The following SEC24D variants were observed in gnomAD, a reference collection of about 807,000 sequenced individuals.
SEC24D encodes the protein SEC24 homolog D, COPII component.
In SEC24D, 69 loss-of-function variants were observed where a neutral mutation model predicts 116.9. The observed-to-expected ratio is 0.59, with a 90% CI of 0.49 to 0.72. SEC24D has a LOEUF of 0.72. Ranked by LOEUF, SEC24D falls within the 30% of genes least tolerant of loss-of-function variation. The probability of loss-of-function intolerance (pLI) is 0.00; values close to 1 mark genes in which losing one functional copy is unlikely to be tolerated. For synonymous variants in SEC24D, 405 were observed against 442.8 expected (o/e 0.91, Z 1.07); for missense variants, 1,131 against 1,264.1 (o/e 0.89, Z 1.60).
chr4:118,807,558 G>T (rs1475210396), intron 6 of SEC24D, among the ~76,000 whole-genome samples: 1 of 150,616 alleles, frequency 6.6e-6, no homozygotes, highest in Non-Finnish European at 1.5e-5. Context: ...AGTGTGTCCA[G>T]ACTGGAATAG....
At chr4:118,752,945 T>C in intron 11 of SEC24D, 57 bp from the exon 12 acceptor site, 3 of 1,271,800 alleles carry the variant, frequency 2.4e-6, no homozygotes, top group Non-Finnish European at 3.3e-6. Flanking sequence ...GAAAAGGAGG[T>C]TTCTATCTGA....
intron 15 of SEC24D, among the ~76,000 whole-genome samples, chr4:118,741,842 C>G (rs545284992): frequency 1.6e-4 from 24 of 152,132 alleles, no homozygotes; most frequent in Non-Finnish European, 1.9e-4. Flanking sequence ...TCTTGACCAT[C>G]ATTTTTATCT....
intron 13 of SEC24D, among the ~76,000 whole-genome samples, chr4:118,750,911 A>G (rs1443164665): frequency 3.3e-5 from 5 of 152,042 alleles, no homozygotes; most frequent in Admixed American, 2.0e-4. Context: ...ATACTCTTGC[A>G]GATTAAAAAA....
At position 118,745,074 on chromosome 4, in the gene SEC24D, A is replaced by C. The variant is rs752917529; in HGVS notation, c.1708-14T>G. 3 of 1,426,200 alleles carry C rather than the reference A, an allele frequency of 2.1e-6. No homozygotes were observed. The highest frequency in any genetic ancestry group is 2.3e-5 in the East Asian group (1 of 44,056). 88.3% of individuals were successfully genotyped at this position (1,426,200 alleles called of 1,614,324 possible). A position where few individuals can be genotyped will look rare whatever the true frequency, so the allele number is the denominator to read the frequency against. Reference sequence around the variant, plus strand: ...ACAGTCTGCTGCCTAAAAAAAAAAAAAAACCCAAAAACCCACAGAAAATGC... The same window carrying C: ...ACAGTCTGCTGCCTAAAAAAAAAAACAAACCCAAAAACCCACAGAAAATGC... On this transcript the variant is annotated splice_polypyrimidine_tract_variant and intron_variant, in intron 13 of 22. Transcript: ENST00000280551.
intron 2 of SEC24D, 91 bp downstream of exon 2, chr4:118,833,488 C>T: frequency 5.9e-6 from 5 of 848,220 alleles, no homozygotes; most frequent in Non-Finnish European, 9.5e-6. Context: ...AATGATCATT[C>T]AATGCTTTCA....
intron 10 of SEC24D, 142 bp downstream of exon 10, chr4:118,764,660 C>T: frequency 1.9e-6 from 1 of 527,014 alleles, no homozygotes. Context: ...GAGATGGGAT[C>T]TGTGTCTTAG....
intron 3 of SEC24D, among the ~76,000 whole-genome samples, chr4:118,818,820 T>C (rs1291700029): frequency 6.6e-6 from 1 of 151,568 alleles, no homozygotes; most frequent in Admixed American, 6.6e-5. Flanking sequence ...AAGTACAAGC[T>C]ATCCTATAGC....
At chr4:118,748,545 T>G (rs1726660442) in intron 13 of SEC24D, among the ~76,000 whole-genome samples, 1 of 152,236 alleles carries the variant, frequency 6.6e-6, no homozygotes, top group South Asian at 2.1e-4. Context: ...TCATACAGAA[T>G]TAATGAATGC....
intron 22 of SEC24D, among the ~76,000 whole-genome samples, chr4:118,725,518 G>A (rs298990): frequency 0.25 from 37,391 of 152,046 alleles, 5,829 homozygotes; most frequent in East Asian, 0.42. Context: ...AAGACTTGAA[G>A]TTCCAATTTC....
At chr4:118,806,295 T>C (rs921916343) in intron 6 of SEC24D, among the ~76,000 whole-genome samples, 1 of 152,202 alleles carries the variant, frequency 6.6e-6, no homozygotes, top group Non-Finnish European at 1.5e-5. Flanking sequence ...AATTTGTTTA[T>C]TAGAACATAG....
At chr4:118,832,229 C>T (rs573473038) in intron 2 of SEC24D, among the ~76,000 whole-genome samples, 1 of 152,146 alleles carries the variant, frequency 6.6e-6, no homozygotes, top group Non-Finnish European at 1.5e-5. Context: ...AGGGAGACTC[C>T]ACCTCAAAAG....
intron 13 of SEC24D, among the ~76,000 whole-genome samples, chr4:118,746,941 G>A (rs1726566756): frequency 6.6e-6 from 1 of 152,044 alleles, no homozygotes; most frequent in Admixed American, 6.6e-5. Context: ...GTAACCTGGG[G>A]CCTGCTGTCT....
At chr4:118,723,801 TA>T in intron 22 of SEC24D, 146 bp from the exon 23 acceptor site, 1 of 890,018 alleles carries the variant, frequency 1.1e-6, no homozygotes, top group Non-Finnish European at 1.7e-6. Flanking sequence ...AAGTGCCTGA[TA>T]TCTAGAGTGG....
Position 118,752,037 on chromosome 4 carries a change from C to T in SEC24D, c.1666G>A (p.Val556Ile), listed in dbSNP as rs759311947. The T allele has an allele frequency of 2.5e-6, 4 of 1,613,260 alleles. No homozygotes were observed. The South Asian group carries it at 4.4e-5, about 18-fold the overall frequency. The change falls in exon 13 of 23, where the codon GTC becomes ATC. Residue 556 changes from valine to isoleucine, a missense_variant. Coordinates refer to ENST00000280551, the MANE Select transcript of SEC24D (RefSeq NM_014822.4). Reference protein sequence around the residue: ...MFADSNENETVFAPVIQAGME... With the variant: ...MFADSNENETIFAPVIQAGME... ...CCAGCCTGGATGACAGGAGCAAAGA[C>T]AGTCTCATTTTCATTAGAGTCTGCA...
intron 11 of SEC24D, among the ~76,000 whole-genome samples, chr4:118,755,789 G>C (rs959113308): frequency 6.6e-6 from 1 of 152,040 alleles, no homozygotes; most frequent in Non-Finnish European, 1.5e-5. Context: ...AAATTTCAGG[G>C]GAGAAGAAAC....
At position 118,774,599 on chromosome 4, in the gene SEC24D, T is replaced by C. The variant is rs1281684943; in HGVS notation, c.1042-6288A>G. 3.9e-5 allele frequency among the ~76,000 whole-genome samples: 6 copies of C among 152,242 alleles called. No individual in the cohort carries two copies. The East Asian group carries it at 1.2e-3, about 29-fold the overall frequency. On this transcript the variant is annotated intron_variant, in intron 8 of 22. Transcript: ENST00000280551. ...AGCTATTTATCTCCTCTATACTATATGTGCAAGAAACAGCTTGCAGACTGG... is the reference window on the plus strand; with the variant it reads ...AGCTATTTATCTCCTCTATACTATACGTGCAAGAAACAGCTTGCAGACTGG...
intron 8 of SEC24D, chr4:118,769,727 C>T (rs1483903373): frequency 6.6e-6 from 1 of 152,110 alleles, no homozygotes; most frequent in Non-Finnish European, 1.5e-5. Flanking sequence ...TAATCATTCC[C>T]CTCTATTTCT....
chr4:118,821,409 C>G (rs1317033338), intron 3 of SEC24D, among the ~76,000 whole-genome samples: 1 of 152,118 alleles, frequency 6.6e-6, no homozygotes, highest in Non-Finnish European at 1.5e-5. Flanking sequence ...TATTTAATAT[C>G]CTACCCAGTA....
Position 118,732,717 on chromosome 4 carries a change from A to G in SEC24D, c.2676+16T>C, listed in dbSNP as rs1219979166. On this transcript the variant is annotated intron_variant, in intron 20 of 22. Coordinates refer to ENST00000280551, the MANE Select transcript of SEC24D (RefSeq NM_014822.4). ...TCCAGCCTCCTCTGGGAAATGCACC[A>G]CCCCAGCATGCTTACTATGGGCAGA... is the stretch of plus-strand genomic sequence containing the variant. 1.2e-6 allele frequency: 2 copies of G among 1,610,720 alleles called. No individual in the cohort carries two copies. The highest frequency in any genetic ancestry group is 1.7e-4 in the Middle Eastern group (1 of 6,044).
Sources: gnomAD v4.1 joint callset for allele counts (sites outside exome capture counted in the v4.1 genomes callset) on GRCh38, gnomAD v4.1.1 for gene constraint, MANE v1.5 for transcripts, NCBI Gene and HGNC (gene_info 2026-07-23, HGNC 2026-07-21) for gene names.